The following WWOX variants were observed in gnomAD, a reference collection of about 807,000 sequenced individuals.
WWOX encodes WW domain containing oxidoreductase.
Under a neutral mutation model 46.2 loss-of-function variants are expected in WWOX, and 69 were observed. The ratio of observed to expected loss-of-function variants is 1.49; its 90% CI spans 1.23 to 1.82. The LOEUF (loss-of-function observed/expected upper bound fraction) is 1.82. WWOX is among the 40% of genes most tolerant of loss of function. The pLI, the probability that WWOX is intolerant of heterozygous loss-of-function variation, is 0.00. For synonymous variants in WWOX, 359 were observed against 202.6 expected (o/e 1.77, Z -6.56); for missense variants, 919 against 542.6 (o/e 1.69, Z -6.89).
chr16:78,366,143 G>C (rs1452596327), intron 5 of WWOX, among the ~76,000 whole-genome samples: 1 of 152,140 alleles, frequency 6.6e-6, no homozygotes, highest in Non-Finnish European at 1.5e-5. Context: ...TCAATTTACT[G>C]ACCATTTTTG....
chr16:78,106,827 GC>G (rs1364466682), intron 1 of WWOX, among the ~76,000 whole-genome samples: 1 of 152,156 alleles, frequency 6.6e-6, no homozygotes, highest in Non-Finnish European at 1.5e-5. Context: ...CGTTCTCCAA[GC>G]ACTGTCACAG....
At chr16:78,875,501 G>C (rs949616152) in intron 8 of WWOX, among the ~76,000 whole-genome samples, 1 of 152,196 alleles carries the variant, frequency 6.6e-6, no homozygotes, top group Non-Finnish European at 1.5e-5. Context: ...GTGGAGGACA[G>C]TGTTTTGATT....
chr16:78,236,554 A>C (rs1160292846), intron 5 of WWOX, among the ~76,000 whole-genome samples: 1 of 152,190 alleles, frequency 6.6e-6, no homozygotes, highest in Non-Finnish European at 1.5e-5. Flanking sequence ...ACTTGTCTGT[A>C]ATCATCTTTC....
chr16:78,999,657 G>A (rs2047056541), intron 8 of WWOX, among the ~76,000 whole-genome samples: 1 of 152,122 alleles, frequency 6.6e-6, no homozygotes, highest in African/African-American at 2.4e-5. Context: ...TTTATTGTAT[G>A]CACCAGAGTG....
At position 78,985,749 on chromosome 16, in the gene WWOX, A is replaced by G. The variant is rs148143539; in HGVS notation, c.1057-225859A>G. On this transcript the variant is annotated intron_variant, in intron 8 of 8. Coordinates refer to ENST00000566780, the MANE Select transcript of WWOX (RefSeq NM_016373.4). ...GTGCCACTGCACTCCAGCCTGGGCAAAAGAGTGAGACTCCATCTGAAAAAG... is the reference window on the plus strand; with the variant it reads ...GTGCCACTGCACTCCAGCCTGGGCAGAAGAGTGAGACTCCATCTGAAAAAG... Among the ~76,000 whole-genome samples, 456 of 149,160 alleles carry G rather than the reference A, an allele frequency of 3.1e-3. 5 individuals carry two copies. The highest frequency in any genetic ancestry group is 0.011 in the African/African-American group (439 of 41,012).
At chr16:78,386,093 C>G (rs901306286) in intron 5 of WWOX, among the ~76,000 whole-genome samples, 3 of 152,142 alleles carry the variant, frequency 2.0e-5, no homozygotes, top group Non-Finnish European at 4.4e-5. Context: ...TTATCAGTGA[C>G]TGGGGTCAGT....
intron 8 of WWOX, among the ~76,000 whole-genome samples, chr16:79,147,358 CT>C (rs1798644735): frequency 6.6e-6 from 1 of 152,136 alleles, no homozygotes; most frequent in Non-Finnish European, 1.5e-5. Context: ...AGTATGTAAT[CT>C]TTTGGGGACT....
intron 8 of WWOX, among the ~76,000 whole-genome samples, chr16:78,674,144 C>T (rs1318743756): frequency 6.6e-6 from 1 of 152,098 alleles, no homozygotes; most frequent in Non-Finnish European, 1.5e-5. Flanking sequence ...AATCCAACAG[C>T]TCTCTTTCCT....
chr16:78,894,469 C>A (rs2044658066), intron 8 of WWOX, among the ~76,000 whole-genome samples: 1 of 152,196 alleles, frequency 6.6e-6, no homozygotes. Flanking sequence ...TGTTTGTAGT[C>A]AGCCTCTCTA....
At chr16:79,064,462 A>G (rs1263143041) in intron 8 of WWOX, among the ~76,000 whole-genome samples, 1 of 152,226 alleles carries the variant, frequency 6.6e-6, no homozygotes, top group Non-Finnish European at 1.5e-5. Context: ...TGCAGAACCC[A>G]TGCGTCGTCA....
intron 8 of WWOX, among the ~76,000 whole-genome samples, chr16:78,921,135 G>C (rs773107577): frequency 2.6e-5 from 4 of 151,954 alleles, no homozygotes; most frequent in Non-Finnish European, 4.4e-5. Context: ...TTGAAGAATG[G>C]CGCTCTTTAA....
rs534609198 is a variant in WWOX at position 78,895,926 on chromosome 16, A to G, written c.1057-315682A>G. On this transcript the variant is annotated intron_variant, in intron 8 of 8. Transcript: ENST00000566780. ...ACTCCTGTCTTCTCTTTGGAAAACA[A>G]TCTCATGAATTTGGTCTTGACGCTG... 7 of 152,318 alleles carry G rather than the reference A, an allele frequency of 4.6e-5. No individual in the cohort carries two copies. In the East Asian group the frequency reaches 5.8e-4, roughly 13 times the overall value. 9.4% of individuals were successfully genotyped at this position (152,318 alleles called of 1,614,324 possible). A position where few individuals can be genotyped will look rare whatever the true frequency, so the allele number is the denominator to read the frequency against.
chr16:78,848,081 C>G (rs998889489), intron 8 of WWOX, among the ~76,000 whole-genome samples: 3 of 152,124 alleles, frequency 2.0e-5, no homozygotes, highest in Non-Finnish European at 4.4e-5. Flanking sequence ...CCACCTGACC[C>G]CAGACACACC....
chr16:78,589,940 C>T (rs899508222), intron 8 of WWOX, among the ~76,000 whole-genome samples: 3 of 152,142 alleles, frequency 2.0e-5, no homozygotes, highest in Admixed American at 6.5e-5. Context: ...TTCCCAAGAA[C>T]ATTTCATGAT....
At chr16:78,821,395 C>T (rs2151144201) in intron 8 of WWOX, among the ~76,000 whole-genome samples, 1 of 152,272 alleles carries the variant, frequency 6.6e-6, no homozygotes, top group Middle Eastern at 3.4e-3. Flanking sequence ...TCCTTCTTTC[C>T]CCCTGCTCAC....
chr16:78,642,271 G>T (rs1162004788), intron 8 of WWOX, among the ~76,000 whole-genome samples: 1 of 152,332 alleles, frequency 6.6e-6, no homozygotes, highest in Admixed American at 6.5e-5. Context: ...AATGGGTGGA[G>T]AATGTAGGGA....
rs373796245 is a variant in WWOX, at chr16:79,020,785, C to T, written c.1057-190823C>T. On this transcript the variant is annotated intron_variant, in intron 8 of 8. Coordinates refer to ENST00000566780, the MANE Select transcript of WWOX (RefSeq NM_016373.4). ...TCCCACACGTCGTGTGGATTCTTTT[C>T]TGTGCTCTCCATTACGGAATCTCCC... Among the ~76,000 whole-genome samples, 4 of 152,272 alleles carry T rather than the reference C, an allele frequency of 2.6e-5. No individual in the cohort carries two copies. In the South Asian group the frequency reaches 6.2e-4, roughly 24 times the overall value.
chr16:78,430,971 A>G (rs2083203890), intron 7 of WWOX, among the ~76,000 whole-genome samples: 1 of 152,208 alleles, frequency 6.6e-6, no homozygotes, highest in African/African-American at 2.4e-5. Context: ...TTTCCATAGC[A>G]GTTATCTAGA....
chr16:78,867,527 G>GT (rs879569755), intron 8 of WWOX, among the ~76,000 whole-genome samples: 38 of 150,052 alleles, frequency 2.5e-4, no homozygotes, highest in African/African-American at 4.7e-4. Context: ...TGTGTGTTTT[G>GT]TTTTTTTGTG....
Sources: gnomAD v4.1 joint callset for allele counts (sites outside exome capture counted in the v4.1 genomes callset) on GRCh38, gnomAD v4.1.1 for gene constraint, MANE v1.5 for transcripts, NCBI Gene and HGNC (gene_info 2026-07-23, HGNC 2026-07-21) for gene names.